The following MTUS2 variants were observed in gnomAD, a reference collection of about 807,000 sequenced individuals.
The protein encoded by MTUS2 is microtubule-associated tumor suppressor candidate 2.
Under a neutral mutation model 114.1 loss-of-function variants are expected in MTUS2, and 40 were observed. The observed-to-expected ratio is 0.35, with a 90% CI of 0.27 to 0.46. The LOEUF is 0.46. Ranked by LOEUF, MTUS2 falls within the 20% of genes least tolerant of loss-of-function variation. The probability of loss-of-function intolerance (pLI) is 1.00; values close to 1 mark genes in which losing one functional copy is unlikely to be tolerated. For missense variants in MTUS2, 1,679 were observed against 1,705.4 expected (o/e 0.98, Z 0.27); for synonymous variants, 688 against 672.0 (o/e 1.02, Z -0.37).
intron 5 of MTUS2, among the ~76,000 whole-genome samples, chr13:29,153,081 G>A (rs1309703369): frequency 6.6e-6 from 1 of 152,208 alleles, no homozygotes; most frequent in East Asian, 1.9e-4. Flanking sequence ...TGCACAAAAT[G>A]TGAGTTGTGC....
chr13:29,345,311 A>G (rs1169649661), intron 7 of MTUS2, among the ~76,000 whole-genome samples: 1 of 151,962 alleles, frequency 6.6e-6, no homozygotes, highest in African/African-American at 2.4e-5. Flanking sequence ...ACATTTGGTC[A>G]TTTAACATAA....
At chr13:28,952,211 T>G (rs1882844946) in intron 2 of MTUS2, among the ~76,000 whole-genome samples, 1 of 152,208 alleles carries the variant, frequency 6.6e-6, no homozygotes, top group South Asian at 2.1e-4. Flanking sequence ...GTAGGTAAAA[T>G]TAGTGATGTA....
intron 2 of MTUS2, among the ~76,000 whole-genome samples, chr13:28,952,288 C>T (rs1348053184): frequency 6.6e-6 from 1 of 152,192 alleles, no homozygotes; most frequent in Non-Finnish European, 1.5e-5. Context: ...CATAACTTTC[C>T]AAAACATTCT....
At chr13:29,027,790 C>T (rs1054977284) in intron 3 of MTUS2, among the ~76,000 whole-genome samples, 22 of 152,068 alleles carry the variant, frequency 1.4e-4, no homozygotes, top group African/African-American at 2.9e-4. Context: ...CCGCCTACCT[C>T]GGCCTCCCAA....
At chr13:29,472,048 G>C (rs760669167) in intron 9 of MTUS2, among the ~76,000 whole-genome samples, 1 of 152,098 alleles carries the variant, frequency 6.6e-6, no homozygotes, top group Admixed American at 6.5e-5. Context: ...TTTTTGAGAT[G>C]AAGTCTTGCT....
At chr13:29,462,633 C>T (rs1282534176) in intron 9 of MTUS2, among the ~76,000 whole-genome samples, 2 of 151,996 alleles carry the variant, frequency 1.3e-5, no homozygotes, top group Admixed American at 1.3e-4. Context: ...GAGGCAGGGA[C>T]AGGAGACCTG....
At chr13:29,479,975 G>C in intron 9 of MTUS2, 175 bp from the exon 10 acceptor site, 1 of 589,862 alleles carries the variant, frequency 1.7e-6, no homozygotes, top group Non-Finnish European at 2.9e-6. Flanking sequence ...AGGGTCTGTT[G>C]TGAGGATCTA....
rs1223831521 is a variant in MTUS2, at chr13:29,432,008, CTA to C, written c.3118-7973_3118-7972del. Among the ~76,000 whole-genome samples the C allele has an allele frequency of 1.1e-3, 129 of 119,132 alleles. 3 individuals are homozygous for C. The highest frequency in any genetic ancestry group is 7.1e-3 in the South Asian group (22 of 3,092). The allele number at this position is 119,132 out of a possible 152,430, so 78.2% of individuals were successfully genotyped here. A position where few individuals can be genotyped will look rare whatever the true frequency, so the allele number is the denominator to read the frequency against. On this transcript the variant is annotated intron_variant, in intron 8 of 15. Transcript: ENST00000612955. ...CACAAGTGTGCACTACCACGCTCAG[CTA>C]TTTTTTTTTTTTTTTTTTTTTTGGC...
At chr13:29,307,784 A>G (rs1899545450) in intron 6 of MTUS2, 9 of 1,009,520 alleles carry the variant, frequency 8.9e-6, no homozygotes, top group Non-Finnish European at 1.4e-5. Flanking sequence ...TCCAAGGAGT[A>G]AGACCCCCAG....
At chr13:28,927,471 T>C (rs1224115596) in intron 2 of MTUS2, among the ~76,000 whole-genome samples, 1 of 151,854 alleles carries the variant, frequency 6.6e-6, no homozygotes, top group African/African-American at 2.4e-5. Flanking sequence ...GAGGCTGAGG[T>C]GAGAGGATGT....
At chr13:29,492,273 T>C (rs1225152184) in intron 11 of MTUS2, among the ~76,000 whole-genome samples, 1 of 149,918 alleles carries the variant, frequency 6.7e-6, no homozygotes, top group Non-Finnish European at 1.5e-5. Flanking sequence ...GGTAGATGTG[T>C]GTGGCATGTG....
At chr13:29,094,162 T>C (rs961775372) in intron 4 of MTUS2, among the ~76,000 whole-genome samples, 1 of 152,100 alleles carries the variant, frequency 6.6e-6, no homozygotes, top group Admixed American at 6.5e-5. Context: ...ATAGTTTTCT[T>C]GAGATGTCTT....
At chr13:29,044,950 C>T (rs1032950724) in intron 4 of MTUS2, among the ~76,000 whole-genome samples, 1 of 152,168 alleles carries the variant, frequency 6.6e-6, no homozygotes, top group Non-Finnish European at 1.5e-5. Context: ...GGACCACCTT[C>T]AGCTCATAGG....
intron 2 of MTUS2, among the ~76,000 whole-genome samples, chr13:29,002,388 T>C (rs1215022750): frequency 6.6e-6 from 1 of 152,236 alleles, no homozygotes; most frequent in Non-Finnish European, 1.5e-5. Flanking sequence ...TTCCTGCTTA[T>C]ACCACAATTG....
intron 8 of MTUS2, among the ~76,000 whole-genome samples, chr13:29,376,069 T>A (rs556515606): frequency 1.1e-4 from 16 of 151,588 alleles, no homozygotes; most frequent in African/African-American, 2.4e-4. Context: ...GTATATATAT[T>A]TATTTATTTA....
At chr13:28,836,362 T>G (rs1320768877) in intron 1 of MTUS2, among the ~76,000 whole-genome samples, 1 of 152,168 alleles carries the variant, frequency 6.6e-6, no homozygotes, top group Non-Finnish European at 1.5e-5. Flanking sequence ...ATGCAAAGCT[T>G]TCAGAGACAC....
chr13:29,460,856 C>T (rs560665882), intron 9 of MTUS2, among the ~76,000 whole-genome samples: 2 of 150,026 alleles, frequency 1.3e-5, no homozygotes, highest in South Asian at 4.2e-4. Context: ...CATTCATAGA[C>T]TTAATATAGT....
At chr13:28,889,360 C>G (rs910776871) in intron 2 of MTUS2, among the ~76,000 whole-genome samples, 11 of 152,208 alleles carry the variant, frequency 7.2e-5, no homozygotes, top group Non-Finnish European at 5.9e-5. Context: ...AGCATTTTCT[C>G]TTCTGTGCTC....
intron 5 of MTUS2, among the ~76,000 whole-genome samples, chr13:29,197,806 AC>A (rs1438888286): frequency 1.3e-5 from 2 of 152,138 alleles, no homozygotes; most frequent in Non-Finnish European, 2.9e-5. Flanking sequence ...TTCTCTAATG[AC>A]CAGTGATGAT....
Sources: allele counts gnomAD v4.1 joint callset (sites outside exome capture counted in the v4.1 genomes callset), GRCh38; gene constraint gnomAD v4.1.1; transcripts MANE v1.5; gene names NCBI Gene and HGNC (gene_info 2026-07-23, HGNC 2026-07-21).